The following NEGR1 variants were observed in gnomAD, a reference collection of about 807,000 sequenced individuals.
NEGR1 encodes IgLON family member 4.
In NEGR1, 10 loss-of-function variants were observed where a neutral mutation model predicts 40.9. The observed-to-expected ratio is 0.24, with a 90% CI of 0.15 to 0.42. The LOEUF (loss-of-function observed/expected upper bound fraction) is 0.42, where lower values mean the gene tolerates loss of function less well. Among genes scored for constraint, NEGR1 ranks in the 10% least tolerant of loss-of-function variants. The pLI is 1.00. For synonymous variants in NEGR1, 185 were observed against 166.8 expected (o/e 1.11, Z -0.84); for missense variants, 352 against 438.9 (o/e 0.80, Z 1.77).
intron 6 of NEGR1, among the ~76,000 whole-genome samples, chr1:71,457,794 T>C (rs868698191): frequency 6.6e-5 from 10 of 152,212 alleles, no homozygotes; most frequent in South Asian, 4.1e-4. Context: ...CTCCGCCTCC[T>C]GGGTTCATGC....
intron 4 of NEGR1, among the ~76,000 whole-genome samples, chr1:71,665,058 A>G (rs1652193731): frequency 6.6e-6 from 1 of 152,196 alleles, no homozygotes; most frequent in Admixed American, 6.5e-5. Flanking sequence ...TAATAACAGC[A>G]TATCAAATAT....
At chr1:71,627,444 T>C (rs947329253) in intron 4 of NEGR1, among the ~76,000 whole-genome samples, 3 of 152,080 alleles carry the variant, frequency 2.0e-5, no homozygotes, top group African/African-American at 7.2e-5. Flanking sequence ...CACCAATATA[T>C]TTTGACTCAG....
chr1:71,866,319 G>A (rs982925172), intron 2 of NEGR1, among the ~76,000 whole-genome samples: 1 of 152,116 alleles, frequency 6.6e-6, no homozygotes, highest in Non-Finnish European at 1.5e-5. Flanking sequence ...GGTTTCAGAG[G>A]AAGTATTGGA....
Position 71,744,748 on chromosome 1 carries a change from G to GAAA in NEGR1, c.535+31421_535+31423dup, listed in dbSNP as rs957686162. On this transcript the variant is annotated intron_variant, in intron 3 of 6. Transcript: ENST00000357731. ...CACAAGTTCAATCTTAGTTTTTTAA[G>GAAA]AAAAAATTTCATCAATGCCAACTTT... 2.0e-5 allele frequency among the ~76,000 whole-genome samples: 3 copies of GAAA among 152,002 alleles called. No individual in the cohort carries two copies. In the East Asian group the frequency reaches 5.8e-4, roughly 29 times the overall value.
intron 1 of NEGR1, among the ~76,000 whole-genome samples, chr1:72,188,275 CAAG>C (rs1452300445): frequency 6.6e-6 from 1 of 151,316 alleles, no homozygotes; most frequent in Non-Finnish European, 1.5e-5. Flanking sequence ...TTGTAGAGAT[CAAG>C]AAGGTTGGGA....
At chr1:71,595,123 G>A (rs1649652292) in intron 5 of NEGR1, among the ~76,000 whole-genome samples, 1 of 152,218 alleles carries the variant, frequency 6.6e-6, no homozygotes, top group Admixed American at 6.5e-5. Context: ...CACAGCCACA[G>A]ATGTTGCTGA....
At chr1:72,015,734 T>C (rs1022190235) in intron 1 of NEGR1, among the ~76,000 whole-genome samples, 9 of 152,172 alleles carry the variant, frequency 5.9e-5, no homozygotes, top group African/African-American at 1.9e-4. Flanking sequence ...TGGGAAAAGC[T>C]GAGGCAGGGC....
intron 1 of NEGR1, among the ~76,000 whole-genome samples, chr1:72,234,615 C>A (rs1009681949): frequency 2.0e-5 from 3 of 151,904 alleles, no homozygotes; most frequent in Non-Finnish European, 2.9e-5. Context: ...AAAAACTGGG[C>A]AAAGGCAAAG....
intron 2 of NEGR1, among the ~76,000 whole-genome samples, chr1:71,896,752 T>A (rs1353442451): frequency 6.6e-6 from 1 of 152,198 alleles, no homozygotes; most frequent in Non-Finnish European, 1.5e-5. Flanking sequence ...TGATTTTAAT[T>A]TATTTTTCCA....
intron 3 of NEGR1, among the ~76,000 whole-genome samples, chr1:71,761,936 C>A (rs1004486140): frequency 2.6e-5 from 4 of 151,858 alleles, no homozygotes; most frequent in African/African-American, 9.7e-5. Flanking sequence ...TTGAGTTTTC[C>A]AAGTTTGCTT....
chr1:72,045,832 T>C (rs17092241), intron 1 of NEGR1, among the ~76,000 whole-genome samples: 1 of 85,084 alleles, frequency 1.2e-5, no homozygotes, highest in African/African-American at 3.5e-5. Flanking sequence ...TAGAAAAAAA[T>C]ATGTAGTTTC....
chr1:71,619,973 A>G (rs900695411), intron 4 of NEGR1, among the ~76,000 whole-genome samples: 1 of 152,034 alleles, frequency 6.6e-6, no homozygotes, highest in African/African-American at 2.4e-5. Flanking sequence ...TCATGTAGAG[A>G]GTATTATTAT....
chr1:71,716,950 C>G (rs1654298229), intron 3 of NEGR1, among the ~76,000 whole-genome samples: 1 of 152,098 alleles, frequency 6.6e-6, no homozygotes, highest in Non-Finnish European at 1.5e-5. Flanking sequence ...GAACTGCCTC[C>G]CCCCACCATC....
chr1:72,087,584 A>G (rs2100538417), intron 1 of NEGR1, among the ~76,000 whole-genome samples: 1 of 151,804 alleles, frequency 6.6e-6, no homozygotes, highest in Non-Finnish European at 1.5e-5. Context: ...CTCTATAAGA[A>G]CATATTTGTG....
intron 4 of NEGR1, among the ~76,000 whole-genome samples, chr1:71,628,784 T>C (rs1650876073): frequency 6.6e-6 from 1 of 152,168 alleles, no homozygotes; most frequent in Non-Finnish European, 1.5e-5. Context: ...ATGGTGTATA[T>C]ATGCCACATT....
intron 2 of NEGR1, among the ~76,000 whole-genome samples, chr1:71,805,498 A>G (rs1183269521): frequency 1.3e-5 from 2 of 152,194 alleles, no homozygotes; most frequent in African/African-American, 2.4e-5. Context: ...GGGAAAATAG[A>G]TAAGAACCTA....
intron 3 of NEGR1, among the ~76,000 whole-genome samples, chr1:71,711,848 A>G (rs1258259286): frequency 6.6e-6 from 1 of 152,216 alleles, no homozygotes; most frequent in Non-Finnish European, 1.5e-5. Flanking sequence ...GACATGTCTT[A>G]TTGTTTTCAA....
intron 1 of NEGR1, among the ~76,000 whole-genome samples, chr1:72,269,368 G>C (rs1387078652): frequency 6.6e-6 from 1 of 151,496 alleles, no homozygotes; most frequent in African/African-American, 2.4e-5. Flanking sequence ...TATCAGGATG[G>C]GCATTCAGAT....
chr1:71,998,713 A>G (rs1270741655), intron 1 of NEGR1, among the ~76,000 whole-genome samples: 1 of 151,388 alleles, frequency 6.6e-6, no homozygotes, highest in Non-Finnish European at 1.5e-5. Context: ...AGATATAAAT[A>G]TATTCATATA....
Sources: gnomAD v4.1 joint callset for allele counts (sites outside exome capture counted in the v4.1 genomes callset) on GRCh38, gnomAD v4.1.1 for gene constraint, MANE v1.5 for transcripts, NCBI Gene and HGNC (gene_info 2026-07-23, HGNC 2026-07-21) for gene names.